The following AGAP1 variants were observed in gnomAD, a reference collection of about 807,000 sequenced individuals.
AGAP1 encodes ArfGAP with GTPase domain, ankyrin repeat and PH domain 1, also known as arf-GAP with GTPase, ANK repeat and PH domain-containing protein 1.
A neutral mutation model predicts 105.3 loss-of-function variants in AGAP1; 29 were observed. The observed-to-expected ratio is 0.28, with a 90% CI of 0.21 to 0.38. AGAP1 has a LOEUF of 0.38. AGAP1 is among the 10% of genes least tolerant of loss of function. The pLI is 1.00. For missense variants in AGAP1, 998 were observed against 1,165.1 expected (o/e 0.86, Z 2.09); for synonymous variants, 509 against 485.9 (o/e 1.05, Z -0.63).
At chr2:235,713,775 T>C (rs1325924302) in intron 2 of AGAP1, among the ~76,000 whole-genome samples, 1 of 152,134 alleles carries the variant, frequency 6.6e-6, no homozygotes, top group African/African-American at 2.4e-5. Context: ...CAGAAATATA[T>C]AGCTCACAGT....
intron 1 of AGAP1, among the ~76,000 whole-genome samples, chr2:235,686,431 G>A (rs1405459077): frequency 6.6e-6 from 1 of 151,518 alleles, no homozygotes; most frequent in Non-Finnish European, 1.5e-5. Flanking sequence ...AACATCACCT[G>A]TATTATATTG....
intron 1 of AGAP1, among the ~76,000 whole-genome samples, chr2:235,650,814 A>G (rs1364799929): frequency 6.6e-6 from 1 of 152,188 alleles, no homozygotes; most frequent in African/African-American, 2.4e-5. Context: ...AAAAAGAGCT[A>G]GTATGTGCTC....
At chr2:235,661,664 T>TG (rs200588370) in intron 1 of AGAP1, among the ~76,000 whole-genome samples, 1,981 of 152,094 alleles carry the variant, frequency 0.013, 24 homozygotes, top group Non-Finnish European at 0.021. Context: ...CATCTCAGGG[T>TG]GGGGTCAGGT....
In AGAP1 at chr2:236,056,850, C is replaced by T. The variant is rs765056894; in HGVS notation, c.2114+7569C>T. 1.3e-5 allele frequency among the ~76,000 whole-genome samples: 2 copies of T among 152,180 alleles called. No individual in the cohort carries two copies. Among genetic ancestry groups the T allele is most frequent in the Non-Finnish European group, 2.9e-5 (2 of 68,030 alleles). ...CACCAAGATCTGACTCCAGATGCCG[C>T]TCTGCAGTCCTGCTGCTGCTCCTGT... On this transcript the variant is annotated intron_variant, in intron 16 of 17. Coordinates refer to ENST00000304032, the MANE Select transcript of AGAP1 (RefSeq NM_001037131.3). The surrounding 1 kb of genome is among the most constrained non-coding windows in gnomAD (Gnocchi z 4.6).
rs1376845140 is a variant in AGAP1, at chr2:235,971,668, C to T, written c.1645+3045C>T. ...TGGCGCCACTGCGCTCCAGCCTGGGCGACAGAGTGAGACTCCGTCTCAAAA... is the reference window on the plus strand; with the variant it reads ...TGGCGCCACTGCGCTCCAGCCTGGGTGACAGAGTGAGACTCCGTCTCAAAA... On this transcript the variant is annotated intron_variant, in intron 13 of 17. Coordinates refer to ENST00000304032, the MANE Select transcript of AGAP1 (RefSeq NM_001037131.3). The surrounding 1 kb of genome is among the most constrained non-coding windows in gnomAD (Gnocchi z 4.8). 5.4e-5 allele frequency among the ~76,000 whole-genome samples: 8 copies of T among 149,198 alleles called. No individual in the cohort carries two copies. In the South Asian group the frequency reaches 1.5e-3, roughly 27 times the overall value.
At chr2:235,669,110 A>T (rs940838015) in intron 1 of AGAP1, among the ~76,000 whole-genome samples, 1 of 152,186 alleles carries the variant, frequency 6.6e-6, no homozygotes, top group Non-Finnish European at 1.5e-5. Context: ...ATTGAAAATG[A>T]AAACAATAAA....
At chr2:235,695,231 G>C (rs1374083449) in intron 1 of AGAP1, among the ~76,000 whole-genome samples, 3 of 152,174 alleles carry the variant, frequency 2.0e-5, no homozygotes, top group Non-Finnish European at 2.9e-5. Flanking sequence ...GGATGAGTCA[G>C]TTCACTCCAT....
intron 1 of AGAP1, among the ~76,000 whole-genome samples, chr2:235,534,192 A>G (rs1211162207): frequency 6.6e-6 from 1 of 152,228 alleles, no homozygotes; most frequent in Non-Finnish European, 1.5e-5. Context: ...TGGCTCAGGC[A>G]AAGGGCTTGC....
chr2:235,942,799 G>A (rs907033833), intron 12 of AGAP1, among the ~76,000 whole-genome samples: 2 of 151,952 alleles, frequency 1.3e-5, no homozygotes, highest in Non-Finnish European at 2.9e-5. Context: ...AATTTCAGGG[G>A]GACTTTTTTA....
intron 1 of AGAP1, among the ~76,000 whole-genome samples, chr2:235,547,047 CT>C (rs1050038950): frequency 1.3e-5 from 2 of 152,122 alleles, no homozygotes; most frequent in African/African-American, 4.8e-5. Context: ...ATCTGGGAGC[CT>C]TTGACTGTTG....
At chr2:236,115,632 T>C (rs1197625455) in intron 16 of AGAP1, among the ~76,000 whole-genome samples, 1 of 152,178 alleles carries the variant, frequency 6.6e-6, no homozygotes, top group Non-Finnish European at 1.5e-5. Flanking sequence ...CCAGTGCCCT[T>C]GTCTGAGTCC....
intron 9 of AGAP1, among the ~76,000 whole-genome samples, chr2:235,871,946 A>T (rs987797113): frequency 9.9e-5 from 15 of 152,204 alleles, no homozygotes; most frequent in African/African-American, 3.1e-4. Context: ...CCGTCTTTGG[A>T]GAACAGATAC....
chr2:235,505,272 A>G (rs1396055011), intron 1 of AGAP1, among the ~76,000 whole-genome samples: 1 of 152,198 alleles, frequency 6.6e-6, no homozygotes, highest in East Asian at 1.9e-4. Context: ...TCAAGGAGTA[A>G]TTTTCTTTGT....
intron 16 of AGAP1, among the ~76,000 whole-genome samples, chr2:236,081,792 A>G (rs920150902): frequency 6.6e-6 from 1 of 152,078 alleles, no homozygotes; most frequent in Non-Finnish European, 1.5e-5. Context: ...AAAAAATGTC[A>G]TTATCCAGAA....
chr2:235,733,449 C>T lies in AGAP1; in HGVS notation c.311-7514C>T, dbSNP rs934983184. On this transcript the variant is annotated intron_variant, in intron 3 of 17. Coordinates refer to ENST00000304032, the MANE Select transcript of AGAP1 (RefSeq NM_001037131.3). This position sits in a 1 kb window ranked among gnomAD's most constrained non-coding sequence, Gnocchi z 5.0. ...CTTCCTTTTTGTTCCTTAGAGCCTG[C>T]GTTTTTTGAGGTTTATTATGTAAAG... is the stretch of plus-strand genomic sequence containing the variant. Among the ~76,000 whole-genome samples the T allele has an allele frequency of 1.3e-4, 20 of 152,120 alleles. No homozygotes were observed. The highest frequency in any genetic ancestry group is 2.1e-4 in the Non-Finnish European group (14 of 68,034).
chr2:235,823,243 A>G (rs1012684973), intron 9 of AGAP1, among the ~76,000 whole-genome samples: 1 of 152,184 alleles, frequency 6.6e-6, no homozygotes, highest in African/African-American at 2.4e-5. Flanking sequence ...ATTATAATCT[A>G]TAATTCTATA....
intron 16 of AGAP1, among the ~76,000 whole-genome samples, chr2:236,102,342 C>T (rs1271764906): frequency 5.5e-5 from 8 of 146,784 alleles, no homozygotes; most frequent in Admixed American, 2.8e-4. Context: ...GGCGTGAACC[C>T]GGGAGGCAGA....
In AGAP1 at chr2:236,027,889, A is replaced by G. The variant is rs928484973; in HGVS notation, c.1646-8672A>G. ...ACACGTCAGAGACAGACCATACCCAAGGATCACAGAGATGGCACAGCTTCC... is the reference window on the plus strand; with the variant it reads ...ACACGTCAGAGACAGACCATACCCAGGGATCACAGAGATGGCACAGCTTCC... On this transcript the variant is annotated intron_variant, in intron 13 of 17. Transcript: ENST00000304032. This position sits in a 1 kb window ranked among gnomAD's most constrained non-coding sequence, Gnocchi z 4.4. Among the ~76,000 whole-genome samples, 1 of 152,128 alleles carries G rather than the reference A, an allele frequency of 6.6e-6. No homozygotes were observed. Among genetic ancestry groups the G allele is most frequent in the Non-Finnish European group, 1.5e-5 (1 of 68,010 alleles).
chr2:235,503,783 A>G (rs1187602825), intron 1 of AGAP1, among the ~76,000 whole-genome samples: 1 of 152,048 alleles, frequency 6.6e-6, no homozygotes, highest in Non-Finnish European at 1.5e-5. Context: ...TTCAGTAGAG[A>G]CGGGGTTTCA....
Sources: gnomAD v4.1 joint callset for allele counts (sites outside exome capture counted in the v4.1 genomes callset) on GRCh38, gnomAD v4.1.1 for gene constraint, Gnocchi (gnomAD v3.1) non-coding constraint, MANE v1.5 for transcripts, NCBI Gene and HGNC (gene_info 2026-07-23, HGNC 2026-07-21) for gene names.